DRG1: variants seen among roughly 807,000 people sequenced by gnomAD.
DRG1 encodes developmentally-regulated GTP-binding protein 1.
A neutral mutation model predicts 38.8 loss-of-function variants in DRG1; 19 were observed. The ratio of observed to expected loss-of-function variants is 0.49; its 90% CI spans 0.34 to 0.72. The LOEUF (loss-of-function observed/expected upper bound fraction) is 0.72. Among genes scored for constraint, DRG1 ranks in the 30% least tolerant of loss-of-function variants. DRG1 has a pLI of 0.01. For missense variants in DRG1, 299 were observed against 444.8 expected (o/e 0.67, Z 2.95); for synonymous variants, 167 against 157.5 (o/e 1.06, Z -0.45).
At chr22:31,414,346 T>A (rs1484092216) in intron 4 of DRG1, among the ~76,000 whole-genome samples, 1 of 152,102 alleles carries the variant, frequency 6.6e-6, no homozygotes, top group Non-Finnish European at 1.5e-5. Flanking sequence ...ACGTGTAAGA[T>A]TACATTCTTG....
chr22:31,400,069 A>C (rs578166503), intron 1 of DRG1, among the ~76,000 whole-genome samples: 2 of 152,030 alleles, frequency 1.3e-5, no homozygotes, highest in South Asian at 4.2e-4. Flanking sequence ...GAAACACTGA[A>C]TCCTGTCCCT....
intron 4 of DRG1, among the ~76,000 whole-genome samples, chr22:31,411,630 A>AG (rs1200494948): frequency 6.6e-6 from 1 of 150,538 alleles, no homozygotes; most frequent in Non-Finnish European, 1.5e-5. Context: ...CCCGGGTTCA[A>AG]GGGATCCTCC....
intron 8 of DRG1, among the ~76,000 whole-genome samples, chr22:31,432,180 G>A (rs1259388005): frequency 2.6e-5 from 4 of 151,590 alleles, no homozygotes; most frequent in Non-Finnish European, 4.4e-5. Context: ...GGGCTCAAGC[G>A]ATCCTCCCAC....
chr22:31,423,072 G>A (rs1428410521), intron 5 of DRG1, among the ~76,000 whole-genome samples: 1 of 152,126 alleles, frequency 6.6e-6, no homozygotes, highest in Non-Finnish European at 1.5e-5. Context: ...TATTTGGTGG[G>A]GGAAGGAGGA....
intron 7 of DRG1, 38 bp from the exon 8 acceptor site, chr22:31,427,022 C>T: frequency 6.2e-7 from 1 of 1,612,294 alleles, no homozygotes; most frequent in Non-Finnish European, 8.5e-7. Context: ...ATGAGATAGT[C>T]TAAGAAGGCA....
At chr22:31,417,736 ATCC>A (rs1399348410) in intron 4 of DRG1, among the ~76,000 whole-genome samples, 1 of 152,032 alleles carries the variant, frequency 6.6e-6, no homozygotes, top group African/African-American at 2.4e-5. Context: ...CATGCATGTA[ATCC>A]CAGCACTTTA....
chr22:31,420,720 C>G (rs1364525058), intron 5 of DRG1, among the ~76,000 whole-genome samples: 1 of 152,154 alleles, frequency 6.6e-6, no homozygotes, highest in Non-Finnish European at 1.5e-5. Context: ...CTTCTGTTTT[C>G]ATTCATTTAA....
intron 4 of DRG1, among the ~76,000 whole-genome samples, chr22:31,414,067 CT>C (rs1157308140): frequency 1.3e-5 from 2 of 152,182 alleles, no homozygotes; most frequent in Non-Finnish European, 2.9e-5. Context: ...ACCAGTGCCC[CT>C]TCCTGGTCTC....
Position 31,399,637 on chromosome 22 carries a change from G to A in DRG1, c.-47G>A, listed in dbSNP as rs756397608. 8 of 1,613,766 alleles carry A rather than the reference G, an allele frequency of 5.0e-6. No homozygotes were observed. The African/African-American group carries it at 6.7e-5, about 13-fold the overall frequency. On this transcript the variant is annotated 5_prime_UTR_variant, in exon 1 of 9. Transcript: ENST00000331457. Reference sequence around the variant, plus strand: ...CTGGTGGCGGTGGCAGTTTGCCCGCGGGTGTGTGAAGGGAGACAGTGTGGA... The same window carrying A: ...CTGGTGGCGGTGGCAGTTTGCCCGCAGGTGTGTGAAGGGAGACAGTGTGGA...
At chr22:31,411,530 C>CTTTTTTTTT (rs71319191) in intron 4 of DRG1, among the ~76,000 whole-genome samples, 2 of 129,808 alleles carry the variant, frequency 1.5e-5, no homozygotes, top group Non-Finnish European at 1.6e-5. Context: ...TCTGTCTTTT[C>CTTTTTTTTT]TTTTTTTTTT....
At chr22:31,415,604 C>T (rs12484212) in intron 4 of DRG1, among the ~76,000 whole-genome samples, 3 of 152,118 alleles carry the variant, frequency 2.0e-5, no homozygotes, top group African/African-American at 4.8e-5. Flanking sequence ...TCAAGTGATC[C>T]GCCTGCCTCG....
intron 4 of DRG1, 30 bp downstream of exon 4, chr22:31,411,111 AT>A: frequency 1.2e-6 from 2 of 1,609,738 alleles, no homozygotes; most frequent in Non-Finnish European, 1.7e-6. Context: ...CCATCCTGGG[AT>A]ATCATTCCCT....
In DRG1 at chr22:31,421,636, T is replaced by C. The variant is rs374858542; in HGVS notation, c.582+1211T>C. On this transcript the variant is annotated intron_variant, in intron 5 of 8. Transcript: ENST00000331457. ...TCTATAATCCCAGCACTTTGGGAGG[T>C]TGAGGCAGGAGGATCACTTGAGCCC... Among the ~76,000 whole-genome samples the C allele has an allele frequency of 2.8e-3, 430 of 151,248 alleles. 3 individuals are homozygous for C. Among genetic ancestry groups the C allele is most frequent in the Middle Eastern group, 0.02 (6 of 294 alleles).
At chr22:31,428,366 C>T (rs1049731849) in intron 8 of DRG1, among the ~76,000 whole-genome samples, 1 of 152,090 alleles carries the variant, frequency 6.6e-6, no homozygotes, top group Admixed American at 6.6e-5. Flanking sequence ...TGCCCGCCAC[C>T]ACGCCCGGCT....
chr22:31,433,123 A>T (rs1176597644), intron 8 of DRG1, among the ~76,000 whole-genome samples: 1 of 152,072 alleles, frequency 6.6e-6, no homozygotes, highest in Non-Finnish European at 1.5e-5. Context: ...ATGGCTGAAG[A>T]GGGAGGCCCT....
chr22:31,405,407 C>T (rs1569045304), intron 3 of DRG1, among the ~76,000 whole-genome samples: 1 of 152,022 alleles, frequency 6.6e-6, no homozygotes, highest in East Asian at 1.9e-4. Context: ...ACCTTGTGAT[C>T]CACATGCCTT....
chr22:31,409,658 G>A (rs1325610237), intron 3 of DRG1, among the ~76,000 whole-genome samples: 1 of 152,082 alleles, frequency 6.6e-6, no homozygotes, highest in Non-Finnish European at 1.5e-5. Context: ...AATTTATATG[G>A]AGGCTCAGCC....
intron 4 of DRG1, among the ~76,000 whole-genome samples, chr22:31,414,063 G>A (rs992281650): frequency 2.6e-5 from 4 of 152,116 alleles, no homozygotes; most frequent in Admixed American, 6.6e-5. Context: ...TGACACCAGT[G>A]CCCCTTCCTG....
chr22:31,412,548 A>C (rs2050023724), intron 4 of DRG1, among the ~76,000 whole-genome samples: 1 of 150,994 alleles, frequency 6.6e-6, no homozygotes, highest in Non-Finnish European at 1.5e-5. Flanking sequence ...ATGGGGTTTC[A>C]TCGTGTTAGC....
Sources: gnomAD v4.1 joint callset for allele counts (sites outside exome capture counted in the v4.1 genomes callset) on GRCh38, gnomAD v4.1.1 for gene constraint, MANE v1.5 for transcripts, NCBI Gene and HGNC (gene_info 2026-07-23, HGNC 2026-07-21) for gene names.